The following TUSC3 variants were observed in gnomAD, a reference collection of about 807,000 sequenced individuals.
The protein encoded by TUSC3 is dolichyl-diphosphooligosaccharide--protein glycosyltransferase subunit TUSC3.
In TUSC3, 45 loss-of-function variants were observed where a neutral mutation model predicts 44.8. The ratio of observed to expected loss-of-function variants is 1.00; its 90% CI spans 0.79 to 1.29. The LOEUF is 1.29. Ranked by LOEUF, TUSC3 falls within the 50% of genes most tolerant of loss-of-function variation. The pLI is 0.00. For synonymous variants in TUSC3, 212 were observed against 152.9 expected (o/e 1.39, Z -2.85); for missense variants, 519 against 437.9 (o/e 1.19, Z -1.65).
intron 1 of TUSC3, among the ~76,000 whole-genome samples, chr8:15,595,960 A>G (rs1026539078): frequency 6.6e-6 from 1 of 152,172 alleles, no homozygotes; most frequent in Non-Finnish European, 1.5e-5. Context: ...TCCCAAAGGT[A>G]TATCTTTAAC....
intron 1 of TUSC3, among the ~76,000 whole-genome samples, chr8:15,447,949 A>G (rs554267592): frequency 1.3e-5 from 2 of 151,314 alleles, no homozygotes; most frequent in Non-Finnish European, 2.9e-5. Flanking sequence ...GGGTATGTAC[A>G]TTACAGTTAA....
chr8:15,730,981 A>G (rs994505099), intron 7 of TUSC3, among the ~76,000 whole-genome samples: 1 of 152,106 alleles, frequency 6.6e-6, no homozygotes, highest in Non-Finnish European at 1.5e-5. Context: ...CTTTTACTCT[A>G]CATTGATGAT....
the TUSC3 span, among the ~76,000 whole-genome samples, chr8:15,803,873 A>G: frequency 2.6e-5 from 4 of 152,210 alleles, no homozygotes; most frequent in African/African-American, 9.6e-5. Flanking sequence ...TGCAAAGGAC[A>G]TGAACTCATT....
the TUSC3 span, among the ~76,000 whole-genome samples, chr8:15,816,258 T>C: frequency 1.3e-5 from 2 of 152,170 alleles, no homozygotes; most frequent in African/African-American, 4.8e-5. Flanking sequence ...GGAGATGGGT[T>C]TGCAGAGGGG....
chr8:15,619,560 C>A (rs551123655), intron 1 of TUSC3, among the ~76,000 whole-genome samples: 1 of 151,796 alleles, frequency 6.6e-6, no homozygotes, highest in South Asian at 2.1e-4. Flanking sequence ...GGCACGATCT[C>A]GGCTTACTGC....
chr8:15,819,486 A>C, the TUSC3 span, among the ~76,000 whole-genome samples: 1 of 152,128 alleles, frequency 6.6e-6, no homozygotes, highest in Non-Finnish European at 1.5e-5. Context: ...AAATTTCCTG[A>C]GTTTCAGACC....
At chr8:15,694,790 T>G (rs1437728149) in intron 6 of TUSC3, among the ~76,000 whole-genome samples, 1 of 152,122 alleles carries the variant, frequency 6.6e-6, no homozygotes. Flanking sequence ...CCCTCCTGAT[T>G]ACTGGAGGGG....
At chr8:15,437,171 T>A (rs1799958973) in intron 1 of TUSC3, among the ~76,000 whole-genome samples, 1 of 152,144 alleles carries the variant, frequency 6.6e-6, no homozygotes, top group African/African-American at 2.4e-5. Flanking sequence ...TAATCATTAG[T>A]CCCATAGTAA....
intron 8 of TUSC3, among the ~76,000 whole-genome samples, chr8:15,747,856 T>C (rs545313916): frequency 4.1e-4 from 62 of 152,232 alleles, no homozygotes; most frequent in African/African-American, 1.4e-3. Context: ...TCCAAGCTTT[T>C]ATTCCTTGCT....
At chr8:15,447,838 C>T (rs1440633025) in intron 1 of TUSC3, among the ~76,000 whole-genome samples, 1 of 151,188 alleles carries the variant, frequency 6.6e-6, no homozygotes, top group Non-Finnish European at 1.5e-5. Flanking sequence ...TGCGAGAACC[C>T]ATAAAAACAG....
At chr8:15,553,065 A>G (rs924727889) in intron 1 of TUSC3, among the ~76,000 whole-genome samples, 5 of 151,772 alleles carry the variant, frequency 3.3e-5, no homozygotes, top group Admixed American at 6.6e-5. Context: ...GGGAAATTCT[A>G]TTTATTGAAA....
chr8:15,843,355 G>A, the TUSC3 span, among the ~76,000 whole-genome samples: 1 of 152,052 alleles, frequency 6.6e-6, no homozygotes. Flanking sequence ...TGGATATTGT[G>A]TCACAAGACA....
At chr8:15,592,531 T>C (rs934174777) in intron 1 of TUSC3, among the ~76,000 whole-genome samples, 4 of 152,094 alleles carry the variant, frequency 2.6e-5, no homozygotes, top group Non-Finnish European at 5.9e-5. Context: ...TAAAGGAGCC[T>C]GCCACCTCCT....
chr8:15,631,342 A>C (rs1805754690), intron 2 of TUSC3, among the ~76,000 whole-genome samples: 1 of 152,184 alleles, frequency 6.6e-6, no homozygotes. Context: ...TACTGTTTAC[A>C]GCAAACGTTC....
At position 15,764,344 on chromosome 8, in the gene TUSC3, C is replaced by T. The variant is rs923246673; in HGVS notation, c.*188C>T. 4.1e-5 allele frequency: 42 copies of T among 1,016,146 alleles called. No individual in the cohort carries two copies. The highest frequency in any genetic ancestry group is 6.0e-5 in the Non-Finnish European group (41 of 687,376). 62.9% of individuals were successfully genotyped at this position (1,016,146 alleles called of 1,614,324 possible). A position where few individuals can be genotyped will look rare whatever the true frequency, so the allele number is the denominator to read the frequency against. On this transcript the variant is annotated 3_prime_UTR_variant, in exon 11 of 11. Coordinates refer to ENST00000503731, the MANE Select transcript of TUSC3 (RefSeq NM_006765.4). Reference sequence around the variant, plus strand: ...CTTATTCTTGTGTACTTTTTTTAAACTGTGGGTTTTCCTAGTAAATTTAAT... The same window carrying T: ...CTTATTCTTGTGTACTTTTTTTAAATTGTGGGTTTTCCTAGTAAATTTAAT...
chr8:15,720,243 A>G (rs2129203782), intron 6 of TUSC3, among the ~76,000 whole-genome samples: 1 of 125,906 alleles, frequency 7.9e-6, no homozygotes, highest in South Asian at 2.8e-4. Flanking sequence ...CAGAGAGAAC[A>G]TTTCTCATAT....
In TUSC3 at chr8:15,735,544, T is replaced by C. The variant is rs184883891; in HGVS notation, c.862+4815T>C. Among the ~76,000 whole-genome samples the C allele has an allele frequency of 2.5e-3, 380 of 152,320 alleles. 1 individual carries two copies. Among genetic ancestry groups the C allele is most frequent in the African/African-American group, 8.7e-3 (362 of 41,580 alleles). On this transcript the variant is annotated intron_variant, in intron 7 of 10. Coordinates refer to ENST00000503731, the MANE Select transcript of TUSC3 (RefSeq NM_006765.4). Reference sequence around the variant, plus strand: ...TCAAGAACTTAAAACTTTTAACCCATTGTTTTTCTACTTAGTAATATTTTG... The same window carrying C: ...TCAAGAACTTAAAACTTTTAACCCACTGTTTTTCTACTTAGTAATATTTTG...
At position 15,659,574 on chromosome 8, in the gene TUSC3, C is replaced by G. The variant is rs1430050583; in HGVS notation, c.494C>G (p.Thr165Ser). 6.2e-7 allele frequency: 1 copy of G among 1,613,348 alleles called. No homozygotes were observed. The highest frequency in any genetic ancestry group is 1.3e-5 in the African/African-American group (1 of 74,866). The change falls in exon 4 of 11, where the codon ACT becomes AGT. Residue 165 changes from threonine (T) to serine (S), a missense_variant. By Grantham distance (58) the Thr-to-Ser change is moderately conservative. Coordinates refer to ENST00000503731, the MANE Select transcript of TUSC3 (RefSeq NM_006765.4). ...AAAGGCAGACCTAAGAGAGCTGATA[C>G]TTTTGACCTCCAAAGAATTGGATTT... ...PPKGRPKRAD[T>S]FDLQRIGFAA...
chr8:15,696,849 A>G (rs541025306), intron 6 of TUSC3, among the ~76,000 whole-genome samples: 5 of 152,262 alleles, frequency 3.3e-5, no homozygotes, highest in African/African-American at 9.6e-5. Context: ...GTCTTGTGGT[A>G]TAGTGTCAGT....
Sources: allele counts gnomAD v4.1 joint callset (sites outside exome capture counted in the v4.1 genomes callset), GRCh38; gene constraint gnomAD v4.1.1; transcripts MANE v1.5; gene names NCBI Gene and HGNC (gene_info 2026-07-23, HGNC 2026-07-21).